Variants in RUFY2 observed in about 807,000 individuals in gnomAD.
RUFY2 encodes the protein RUN and FYVE domain-containing protein 2.
A neutral mutation model predicts 94.4 loss-of-function variants in RUFY2; 49 were observed. The ratio of observed to expected loss-of-function variants is 0.52; its 90% CI spans 0.41 to 0.66. The LOEUF is 0.66. Ranked by LOEUF, RUFY2 falls within the 30% of genes least tolerant of loss-of-function variation. RUFY2 has a pLI of 0.00. For synonymous variants in RUFY2, 255 were observed against 235.7 expected (o/e 1.08, Z -0.75); for missense variants, 541 against 692.8 (o/e 0.78, Z 2.46).
chr10:68,365,333 G>T (rs556970987), intron 13 of RUFY2, among the ~76,000 whole-genome samples: 103 of 152,322 alleles, frequency 6.8e-4, no homozygotes, highest in African/African-American at 2.3e-3. Flanking sequence ...CACTGTCTGT[G>T]TGAAGTCTGC....
At chr10:68,356,641 A>C (rs949573191) in intron 15 of RUFY2, among the ~76,000 whole-genome samples, 2 of 151,714 alleles carry the variant, frequency 1.3e-5, no homozygotes, top group African/African-American at 4.8e-5. Context: ...TCTGCCTCGT[A>C]GGTTCAAGTG....
rs558137655 is a variant in RUFY2, at chr10:68,406,740, C to A, written c.4+446G>T. On this transcript the variant is annotated intron_variant, in intron 1 of 17. Coordinates refer to ENST00000602465, the MANE Select transcript of RUFY2 (RefSeq NM_001330103.2). The stretch of plus-strand genomic sequence containing the variant: ...AGGCCTGGGGGCCCCCCAGGACCAT[C>A]GCGGCGGGCTCACCCAGGCTCCTGC... 5.0e-6 allele frequency: 8 copies of A among 1,602,364 alleles called. No individual in the cohort carries two copies. In the African/African-American group the frequency reaches 9.4e-5, roughly 19 times the overall value.
At chr10:68,392,230 A>G (rs1306147816) in intron 7 of RUFY2, among the ~76,000 whole-genome samples, 1 of 151,814 alleles carries the variant, frequency 6.6e-6, no homozygotes, top group Non-Finnish European at 1.5e-5. Flanking sequence ...ACAAGGTTTC[A>G]CCATACTGGG....
At chr10:68,351,380 C>T (rs1357119683) in intron 16 of RUFY2, among the ~76,000 whole-genome samples, 2 of 151,762 alleles carry the variant, frequency 1.3e-5, no homozygotes, top group Non-Finnish European at 2.9e-5. Flanking sequence ...TTGTGATCCA[C>T]CCGCCTTGGC....
At chr10:68,377,101 A>T in intron 12 of RUFY2, 129 bp from the exon 13 acceptor site, 2 of 1,518,332 alleles carry the variant, frequency 1.3e-6, no homozygotes, top group African/African-American at 1.4e-5. Flanking sequence ...TTTGGGGGAA[A>T]ACTCACAAAC....
In RUFY2 at chr10:68,383,802, C is replaced by A. The variant is rs752873741; in HGVS notation, c.935G>T (p.Arg312Leu). 3.1e-6 allele frequency: 5 copies of A among 1,601,408 alleles called. No homozygotes were observed. Among genetic ancestry groups the A allele is most frequent in the Non-Finnish European group, 4.3e-6 (5 of 1,168,610 alleles). The change falls in exon 10 of 18, where the codon CGA becomes CTA. Residue 312 changes from arginine to leucine, a missense_variant. Physicochemically the swap from Arg to Leu is moderately radical, Grantham distance 102. Coordinates refer to ENST00000602465, the MANE Select transcript of RUFY2 (RefSeq NM_001330103.2). Reference protein sequence around the residue: ...RRQLRDESQLRQDVENELAVQ... With the variant: ...RRQLRDESQLLQDVENELAVQ... The stretch of plus-strand genomic sequence containing the variant: ...GTAATTTTTAATATAACCTACCTGT[C>A]GTAACTGAGATTCATCTCGAAGCTG...
downstream of RUFY2, chr10:68,341,845 G>A (rs765681715): frequency 3.1e-6 from 5 of 1,610,084 alleles, no homozygotes; most frequent in Non-Finnish European, 4.2e-6. Flanking sequence ...TGGTTTGGGT[G>A]GTTATGGTAA....
chr10:68,359,224 C>T (rs1350121807), intron 15 of RUFY2, among the ~76,000 whole-genome samples: 1 of 151,194 alleles, frequency 6.6e-6, no homozygotes, highest in Non-Finnish European at 1.5e-5. Context: ...ACTAAAAATA[C>T]AAAATTAGCC....
In RUFY2 at chr10:68,357,028, G is replaced by A. The variant is rs540157447; in HGVS notation, c.1551-1627C>T. On this transcript the variant is annotated intron_variant, in intron 15 of 17. Transcript: ENST00000602465. Reference sequence around the variant, plus strand: ...AAAATACCAAAAAAATTAGCTGGGCGTGGTGAGGGGCGCCTGTGATCCCAG... The same window carrying A: ...AAAATACCAAAAAAATTAGCTGGGCATGGTGAGGGGCGCCTGTGATCCCAG... Among the ~76,000 whole-genome samples the A allele has an allele frequency of 2.9e-3, 445 of 151,692 alleles. 3 individuals carry two copies. Among genetic ancestry groups the A allele is most frequent in the African/African-American group, 9.7e-3 (403 of 41,474 alleles).
intron 13 of RUFY2, among the ~76,000 whole-genome samples, chr10:68,369,378 G>A (rs970700416): frequency 2.0e-5 from 3 of 151,796 alleles, no homozygotes; most frequent in Non-Finnish European, 4.4e-5. Flanking sequence ...CCAGCTACTA[G>A]GGGGGCTGAG....
intron 12 of RUFY2, 112 bp downstream of exon 12, chr10:68,379,312 A>C (rs2048867980): frequency 2.5e-6 from 2 of 800,922 alleles, no homozygotes; most frequent in Non-Finnish European, 1.9e-6. Flanking sequence ...TTAAACAAAA[A>C]ACATGTCCTA....
chr10:68,376,442 GTATATATA>G lies in RUFY2; in HGVS notation c.1325+403_1325+410del, dbSNP rs764172830. ...GAAACTTCATCTCAAAAAAATGTGT[GTATATATA>G]TATATATATATATATATATATATAT... On this transcript the variant is annotated intron_variant, in intron 13 of 17. Transcript: ENST00000602465. Among the ~76,000 whole-genome samples, 104 of 27,954 alleles carry G rather than the reference GTATATATA, an allele frequency of 3.7e-3. 3 individuals are homozygous for G. The highest frequency in any genetic ancestry group is 6.3e-3 in the African/African-American group (85 of 13,600). 18.3% of individuals were successfully genotyped at this position (27,954 alleles called of 152,430 possible). A position where few individuals can be genotyped will look rare whatever the true frequency, so the allele number is the denominator to read the frequency against.
rs796865819 is a variant in RUFY2, at chr10:68,382,977, C to T, written c.939+821G>A. Among the ~76,000 whole-genome samples the T allele has an allele frequency of 2.2e-4, 33 of 152,240 alleles. 3 individuals carry two copies. Among genetic ancestry groups the T allele is most frequent in the African/African-American group, 7.2e-4 (30 of 41,544 alleles). Reference sequence around the variant, plus strand: ...TTCTGTTCTATTTCATTTTCTATAACGCTGGTCATAACCCATTCATTCACA... The same window carrying T: ...TTCTGTTCTATTTCATTTTCTATAATGCTGGTCATAACCCATTCATTCACA... On this transcript the variant is annotated intron_variant, in intron 10 of 17. Coordinates refer to ENST00000602465, the MANE Select transcript of RUFY2 (RefSeq NM_001330103.2).
At chr10:68,342,648 G>T (rs2046033656), downstream of RUFY2, 1 of 152,546 alleles carries the variant, frequency 6.6e-6, no homozygotes, top group Non-Finnish European at 1.5e-5. Flanking sequence ...ATTCATAATT[G>T]TGTTACCTGG....
At chr10:68,361,101 G>A (rs1011590518) in intron 15 of RUFY2, among the ~76,000 whole-genome samples, 1 of 151,888 alleles carries the variant, frequency 6.6e-6, no homozygotes, top group Non-Finnish European at 1.5e-5. Flanking sequence ...GGCCAACATG[G>A]TAAAACGCTG....
intron 15 of RUFY2, among the ~76,000 whole-genome samples, chr10:68,362,973 C>T (rs1235305557): frequency 2.0e-5 from 3 of 152,034 alleles, no homozygotes; most frequent in Non-Finnish European, 2.9e-5. Context: ...GACAGCTCCC[C>T]GGATATTTTG....
intron 10 of RUFY2, 151 bp downstream of exon 10, chr10:68,383,646 TG>T: frequency 1.5e-6 from 1 of 668,206 alleles, no homozygotes. Flanking sequence ...ATTGATATAG[TG>T]GAAGCTTAGA....
intron 16 of RUFY2, among the ~76,000 whole-genome samples, chr10:68,353,322 C>T (rs1396901294): frequency 6.7e-6 from 1 of 148,694 alleles, no homozygotes; most frequent in African/African-American, 2.5e-5. Context: ...CAGAGCGAGA[C>T]CCTGTCTCGA....
At position 68,385,909 on chromosome 10, in the gene RUFY2, T is replaced by C. The variant is rs2049460240; in HGVS notation, c.720+150A>G. The C allele has an allele frequency of 7.0e-5, 30 of 429,952 alleles. No individual in the cohort carries two copies. The East Asian group carries it at 1.1e-3, about 15-fold the overall frequency. 26.6% of individuals were successfully genotyped at this position (429,952 alleles called of 1,614,324 possible). A position where few individuals can be genotyped will look rare whatever the true frequency, so the allele number is the denominator to read the frequency against. ...GAATATATGGTTTCTCTAGAACTTA[T>C]AATCATCAGTTACGACTATATTACA... On this transcript the variant is annotated intron_variant, in intron 8 of 17. Coordinates refer to ENST00000602465, the MANE Select transcript of RUFY2 (RefSeq NM_001330103.2).
Sources: allele counts gnomAD v4.1 joint callset (sites outside exome capture counted in the v4.1 genomes callset), GRCh38; gene constraint gnomAD v4.1.1; transcripts MANE v1.5; gene names NCBI Gene and HGNC (gene_info 2026-07-23, HGNC 2026-07-21).